PIEZO2: variants seen among roughly 807,000 people sequenced by gnomAD.
The protein encoded by PIEZO2 is piezo type mechanosensitive ion channel component 2, also known as piezo-type mechanosensitive ion channel component 2.
A neutral mutation model predicts 337.3 loss-of-function variants in PIEZO2; 172 were observed. That is an observed-to-expected ratio of 0.51 (90% confidence interval 0.45 to 0.58). The LOEUF is 0.58. PIEZO2 is among the 20% of genes least tolerant of loss of function. PIEZO2 has a pLI of 0.00. For missense variants in PIEZO2, 3,028 were observed against 3,391.3 expected (o/e 0.89, Z 2.66); for synonymous variants, 1,251 against 1,228.5 (o/e 1.02, Z -0.38).
intron 2 of PIEZO2, among the ~76,000 whole-genome samples, chr18:11,044,419 A>C (rs2037230866): frequency 6.6e-6 from 1 of 152,176 alleles, no homozygotes; most frequent in African/African-American, 2.4e-5. Context: ...CTGAGTCTTA[A>C]GTTTAAAGTT....
At chr18:10,944,960 G>A (rs2032941071) in intron 3 of PIEZO2, among the ~76,000 whole-genome samples, 1 of 152,134 alleles carries the variant, frequency 6.6e-6, no homozygotes, top group African/African-American at 2.4e-5. Context: ...AGTGCAGGGA[G>A]GGAAGAAGAA....
intron 7 of PIEZO2, among the ~76,000 whole-genome samples, chr18:10,841,249 G>A (rs922427444): frequency 6.6e-6 from 1 of 151,252 alleles, no homozygotes; most frequent in Non-Finnish European, 1.5e-5. Context: ...TTTGAGGGGT[G>A]AGAGAAAAAC....
chr18:11,064,437 C>G (rs769310485), intron 2 of PIEZO2, among the ~76,000 whole-genome samples: 1 of 152,180 alleles, frequency 6.6e-6, no homozygotes, highest in Non-Finnish European at 1.5e-5. Context: ...AGCCAGTGCA[C>G]CTGTTTGTGC....
At position 11,031,883 on chromosome 18, in the gene PIEZO2, T is replaced by G. The variant is rs2036750752; in HGVS notation, c.160+34244A>C. Among the ~76,000 whole-genome samples the G allele has an allele frequency of 6.6e-6, 1 of 152,232 alleles. No homozygotes were observed. The highest frequency in any genetic ancestry group is 1.5e-5 in the Non-Finnish European group (1 of 68,044). On this transcript the variant is annotated intron_variant, in intron 2 of 55. Coordinates refer to ENST00000674853, the MANE Select transcript of PIEZO2 (RefSeq NM_001378183.1). The surrounding 1 kb of genome is among the most constrained non-coding windows in gnomAD (Gnocchi z 4.7). ...AATATTTTATAATCCATTTGGCTGC[T>G]GAATATTAGCCCAACCCTTTATTCT...
chr18:10,795,106 C>T lies in PIEZO2; in HGVS notation c.1528-104G>A. 1 of 987,214 alleles carries T rather than the reference C, an allele frequency of 1.0e-6. No individual in the cohort carries two copies. Among genetic ancestry groups the T allele is most frequent in the Non-Finnish European group, 1.5e-6 (1 of 671,576 alleles). 61.2% of individuals were successfully genotyped at this position (987,214 alleles called of 1,614,324 possible). A position where few individuals can be genotyped will look rare whatever the true frequency, so the allele number is the denominator to read the frequency against. The stretch of plus-strand genomic sequence containing the variant: ...TCTAAAAAGAAAAGGTCATAATATT[C>T]AAACCAGGGAGAGTAGAGAGTTGTG... On this transcript the variant is annotated intron_variant, in intron 12 of 55. Transcript: ENST00000674853. This position sits in a 1 kb window ranked among gnomAD's most constrained non-coding sequence, Gnocchi z 4.4.
chr18:11,062,823 T>G (rs1248231613), intron 2 of PIEZO2, among the ~76,000 whole-genome samples: 3 of 152,178 alleles, frequency 2.0e-5, no homozygotes, highest in Admixed American at 6.5e-5. Flanking sequence ...GACTGTAAAC[T>G]AGTTCAACCA....
chr18:10,726,374 C>G lies in PIEZO2; in HGVS notation c.5029+5033G>C. 6.6e-7 allele frequency: 1 copy of G among 1,518,448 alleles called. No homozygotes were observed. Among genetic ancestry groups the G allele is most frequent in the Non-Finnish European group, 8.8e-7 (1 of 1,139,368 alleles). The allele number at this position is 1,518,448 out of a possible 1,614,324, so 94.1% of individuals were successfully genotyped here. The stretch of plus-strand genomic sequence containing the variant: ...CCTTCGCCTTCCCCGCAGGCACCCA[C>G]TACCTGCGGGGCGGTAACAACGCGC... On this transcript the variant is annotated intron_variant, in intron 36 of 55. Coordinates refer to ENST00000674853, the MANE Select transcript of PIEZO2 (RefSeq NM_001378183.1). The surrounding 1 kb of genome is among the most constrained non-coding windows in gnomAD (Gnocchi z 5.9).
At position 10,828,931 on chromosome 18, in the gene PIEZO2, C is replaced by T. The variant is rs768959489; in HGVS notation, c.918-21657G>A. Among the ~76,000 whole-genome samples, 1 of 152,168 alleles carries T rather than the reference C, an allele frequency of 6.6e-6. No individual in the cohort carries two copies. The highest frequency in any genetic ancestry group is 2.4e-5 in the African/African-American group (1 of 41,440). ...TCATGCTGCTGCTTCCTCCAGGAAG[C>T]CTTTCCTCAGCATGTCATGTCTTCA... is the stretch of plus-strand genomic sequence containing the variant. On this transcript the variant is annotated intron_variant, in intron 7 of 55. Transcript: ENST00000674853. The surrounding 1 kb of genome is among the most constrained non-coding windows in gnomAD (Gnocchi z 4.1).
chr18:11,002,982 C>T lies in PIEZO2; in HGVS notation c.161-23322G>A, dbSNP rs2035597112. ...CAAACAGAGGAAGTGAGGCAAGAGG[C>T]GCTCCTGCTACCAGAGGCTTCCTCC... is the stretch of plus-strand genomic sequence containing the variant. On this transcript the variant is annotated intron_variant, in intron 2 of 55. Transcript: ENST00000674853. The surrounding 1 kb of genome is among the most constrained non-coding windows in gnomAD (Gnocchi z 4.3). Among the ~76,000 whole-genome samples, 1 of 139,608 alleles carries T rather than the reference C, an allele frequency of 7.2e-6. No homozygotes were observed. The highest frequency in any genetic ancestry group is 2.1e-4 in the South Asian group (1 of 4,790). The allele number at this position is 139,608 out of a possible 152,430, so 91.6% of individuals were successfully genotyped here. A position where few individuals can be genotyped will look rare whatever the true frequency, so the allele number is the denominator to read the frequency against.
intron 32 of PIEZO2, 136 bp downstream of exon 32, chr18:10,742,358 A>T: frequency 9.9e-7 from 1 of 1,014,432 alleles, no homozygotes; most frequent in Non-Finnish European, 1.4e-6. Context: ...ACAATGGGAA[A>T]ATAAAGCTCG....
At chr18:10,984,671 T>A (rs75921175) in intron 2 of PIEZO2, among the ~76,000 whole-genome samples, 5,065 of 152,200 alleles carry the variant, frequency 0.033, 147 homozygotes, top group African/African-American at 0.072. Context: ...AAGAAAGCTT[T>A]CTTAATGATA....
Position 10,969,094 on chromosome 18 carries a change from G to C in PIEZO2, c.286+10441C>G, listed in dbSNP as rs1235071755. ...TTCTAGAATGTCATTACTATGCTTA[G>C]CCCAATTCTGCTGCTTTCAAATGCC... On this transcript the variant is annotated intron_variant, in intron 3 of 55. Transcript: ENST00000674853. The surrounding 1 kb of genome is among the most constrained non-coding windows in gnomAD (Gnocchi z 4.5). Among the ~76,000 whole-genome samples the C allele has an allele frequency of 2.0e-5, 3 of 152,144 alleles. No homozygotes were observed. The East Asian group carries it at 5.8e-4, about 29-fold the overall frequency.
rs1339597540 is a variant in PIEZO2, at chr18:10,854,395, C to T, written c.917+958G>A. 6.6e-6 allele frequency among the ~76,000 whole-genome samples: 1 copy of T among 152,158 alleles called. No individual in the cohort carries two copies. Among genetic ancestry groups the T allele is most frequent in the African/African-American group, 2.4e-5 (1 of 41,442 alleles). Reference sequence around the variant, plus strand: ...AAGGTTCTACTTTGTCATTGTGCAACCACCACGACCTTTATAGTAATTATT... The same window carrying T: ...AAGGTTCTACTTTGTCATTGTGCAATCACCACGACCTTTATAGTAATTATT... On this transcript the variant is annotated intron_variant, in intron 7 of 55. Transcript: ENST00000674853. This position sits in a 1 kb window ranked among gnomAD's most constrained non-coding sequence, Gnocchi z 4.6.
At chr18:11,060,955 CAA>C (rs1430202803) in intron 2 of PIEZO2, among the ~76,000 whole-genome samples, 1 of 152,110 alleles carries the variant, frequency 6.6e-6, no homozygotes, top group Non-Finnish European at 1.5e-5. Flanking sequence ...CACAACAAAA[CAA>C]GAGAATTTTA....
chr18:10,990,171 T>G (rs2145548226), intron 2 of PIEZO2, among the ~76,000 whole-genome samples: 1 of 152,252 alleles, frequency 6.6e-6, no homozygotes, highest in East Asian at 1.9e-4. Flanking sequence ...AATATTATGT[T>G]AAAATGGTAA....
Position 11,125,956 on chromosome 18 carries a change from GAT to G in PIEZO2, c.64+22567_64+22568del, listed in dbSNP as rs1430300547. ...AGAGGAAGAATGGTGCCTACCATAA[GAT>G]GGACAGACAAGTAGCACGTGACTGT... On this transcript the variant is annotated intron_variant, in intron 1 of 55. Transcript: ENST00000674853. The surrounding 1 kb of genome is among the most constrained non-coding windows in gnomAD (Gnocchi z 4.4). Among the ~76,000 whole-genome samples the G allele has an allele frequency of 6.6e-6, 1 of 152,236 alleles. No homozygotes were observed. Among genetic ancestry groups the G allele is most frequent in the African/African-American group, 2.4e-5 (1 of 41,462 alleles).
chr18:10,730,412 C>T (rs1288254540), intron 36 of PIEZO2, among the ~76,000 whole-genome samples: 1 of 152,178 alleles, frequency 6.6e-6, no homozygotes, highest in Non-Finnish European at 1.5e-5. Context: ...TTTTCACACG[C>T]TCTCATTGAT....
Position 10,727,508 on chromosome 18 carries a change from A to C in PIEZO2, c.5029+3899T>G, listed in dbSNP as rs1185364013. 6.6e-6 allele frequency: 1 copy of C among 152,244 alleles called. No individual in the cohort carries two copies. Among genetic ancestry groups the C allele is most frequent in the Non-Finnish European group, 1.5e-5 (1 of 68,160 alleles). 9.4% of individuals were successfully genotyped at this position (152,244 alleles called of 1,614,324 possible). A position where few individuals can be genotyped will look rare whatever the true frequency, so the allele number is the denominator to read the frequency against. On this transcript the variant is annotated intron_variant, in intron 36 of 55. Coordinates refer to ENST00000674853, the MANE Select transcript of PIEZO2 (RefSeq NM_001378183.1). This position sits in a 1 kb window ranked among gnomAD's most constrained non-coding sequence, Gnocchi z 6.3. ...TGCCTCTCTCACTGGTCATGTATTTATTCCATATTTATATGATCTACTTCC... is the reference window on the plus strand; with the variant it reads ...TGCCTCTCTCACTGGTCATGTATTTCTTCCATATTTATATGATCTACTTCC...
At chr18:11,142,065 C>T (rs2040666066) in intron 1 of PIEZO2, among the ~76,000 whole-genome samples, 1 of 152,084 alleles carries the variant, frequency 6.6e-6, no homozygotes, top group South Asian at 2.1e-4. Context: ...AACAGTACGG[C>T]ACAAAAGGGG....
Sources: allele counts gnomAD v4.1 joint callset (sites outside exome capture counted in the v4.1 genomes callset), GRCh38; gene constraint gnomAD v4.1.1; non-coding constraint Gnocchi (gnomAD v3.1); transcripts MANE v1.5; gene names NCBI Gene and HGNC (gene_info 2026-07-23, HGNC 2026-07-21).